Variants in STAG1 observed in about 807,000 individuals in gnomAD.
The protein encoded by STAG1 is cohesin subunit SA-1.
A neutral mutation model predicts 170.9 loss-of-function variants in STAG1; 26 were observed. The ratio of observed to expected loss-of-function variants is 0.15; its 90% CI spans 0.11 to 0.21. STAG1 has a LOEUF of 0.21. STAG1 is among the 10% of genes least tolerant of loss of function. STAG1 has a pLI of 1.00. For missense variants in STAG1, 964 were observed against 1,509.5 expected (o/e 0.64, Z 5.99); for synonymous variants, 514 against 497.7 (o/e 1.03, Z -0.44).
chr3:136,651,480 A>T (rs566194580), intron 1 of STAG1, among the ~76,000 whole-genome samples: 95 of 152,172 alleles, frequency 6.2e-4, no homozygotes, highest in African/African-American at 2.2e-3. Context: ...TTAAAATATT[A>T]AAAATCTTGT....
intron 2 of STAG1, among the ~76,000 whole-genome samples, chr3:136,625,573 C>T (rs1940057801): frequency 6.6e-6 from 1 of 152,186 alleles, no homozygotes; most frequent in Non-Finnish European, 1.5e-5. Context: ...AGTTATTATA[C>T]AAATTTATTG....
At chr3:136,613,313 CAA>C (rs60449608) in intron 3 of STAG1, among the ~76,000 whole-genome samples, 51 of 59,758 alleles carry the variant, frequency 8.5e-4, no homozygotes, top group East Asian at 3.5e-3. Context: ...GACTCCGTCT[CAA>C]AAAAAAAAAA....
intron 13 of STAG1, among the ~76,000 whole-genome samples, chr3:136,460,370 G>A (rs929940334): frequency 4.0e-4 from 61 of 152,160 alleles, no homozygotes; most frequent in Non-Finnish European, 6.2e-4. Flanking sequence ...TGGAGGCCAA[G>A]GTGGGTGAAT....
chr3:136,664,005 T>C (rs564848004), intron 1 of STAG1, among the ~76,000 whole-genome samples: 1 of 152,312 alleles, frequency 6.6e-6, no homozygotes, highest in South Asian at 2.1e-4. Context: ...AATTTTATCA[T>C]GTAAAATTTG....
chr3:136,748,667 G>T (rs914724516), intron 1 of STAG1, among the ~76,000 whole-genome samples: 1 of 152,142 alleles, frequency 6.6e-6, no homozygotes, highest in East Asian at 1.9e-4. Context: ...CTCCCAAAGT[G>T]CTGGGATTAC....
At chr3:136,659,887 A>AT (rs960970085) in intron 1 of STAG1, among the ~76,000 whole-genome samples, 2 of 151,502 alleles carry the variant, frequency 1.3e-5, no homozygotes, top group African/African-American at 4.8e-5. Context: ...GGTATACTGA[A>AT]TTTTTTTTTG....
chr3:136,344,657 G>A (rs959354239), intron 29 of STAG1, among the ~76,000 whole-genome samples: 3 of 151,688 alleles, frequency 2.0e-5, no homozygotes, highest in African/African-American at 7.3e-5. Flanking sequence ...TCTGTCGCCC[G>A]GGCTGGAGTG....
At chr3:136,430,806 G>GACACAGACACAC (rs2088277638) in intron 16 of STAG1, among the ~76,000 whole-genome samples, 1 of 131,104 alleles carries the variant, frequency 7.6e-6, no homozygotes, top group Non-Finnish European at 1.6e-5. Context: ...GACATAGACA[G>GACACAGACACAC]ACACACACAC....
chr3:136,447,438 C>A lies in STAG1; in HGVS notation c.1429-4034G>T, dbSNP rs111807046. ...GAGCTAAGATTCTGCCACTGCACTC[C>A]AGTCTGGCAACAGACCGAGATTTGG... On this transcript the variant is annotated intron_variant, in intron 14 of 33. Transcript: ENST00000383202. Among the ~76,000 whole-genome samples the A allele has an allele frequency of 3.3e-5, 5 of 151,750 alleles. 1 individual carries two copies. Among genetic ancestry groups the A allele is most frequent in the African/African-American group, 1.2e-4 (5 of 41,400 alleles).
intron 1 of STAG1, among the ~76,000 whole-genome samples, chr3:136,745,208 A>C (rs1054607785): frequency 2.6e-4 from 40 of 152,360 alleles, no homozygotes; most frequent in African/African-American, 8.7e-4. Context: ...TAAATGGTAC[A>C]TCATTTTGGC....
intron 9 of STAG1, among the ~76,000 whole-genome samples, chr3:136,495,556 G>A (rs189293564): frequency 6.2e-4 from 95 of 152,284 alleles, no homozygotes; most frequent in African/African-American, 2.2e-3. Context: ...TGGCATGGAT[G>A]GCACGGTGGC....
chr3:136,713,561 A>G (rs987271276), intron 1 of STAG1, among the ~76,000 whole-genome samples: 1 of 151,082 alleles, frequency 6.6e-6, no homozygotes, highest in African/African-American at 2.4e-5. Flanking sequence ...CTAGCCTGGG[A>G]AACAGAGCGA....
At chr3:136,414,650 T>C (rs1408846358) in intron 21 of STAG1, among the ~76,000 whole-genome samples, 1 of 152,192 alleles carries the variant, frequency 6.6e-6, no homozygotes, top group Non-Finnish European at 1.5e-5. Context: ...TAATGGTATC[T>C]AGAATGGTGA....
At chr3:136,366,873 C>G (rs1937092831) in intron 25 of STAG1, 70 bp downstream of exon 25, 1 of 1,338,288 alleles carries the variant, frequency 7.5e-7, no homozygotes, top group Non-Finnish European at 1.0e-6. Flanking sequence ...TAGCTTCTGT[C>G]ATCATCCTTT....
chr3:136,425,966 A>T (rs575440613), intron 16 of STAG1, among the ~76,000 whole-genome samples: 1 of 151,254 alleles, frequency 6.6e-6, no homozygotes, highest in East Asian at 1.9e-4. Context: ...ATTATCTCTC[A>T]GTTTTTTTTT....
chr3:136,591,688 G>C (rs1938190659), intron 4 of STAG1: 1 of 209,122 alleles, frequency 4.8e-6, no homozygotes. Flanking sequence ...TGATAACTAT[G>C]AAGTAGAATT....
At chr3:136,522,413 G>T (rs1015166859) in intron 6 of STAG1, among the ~76,000 whole-genome samples, 4 of 152,164 alleles carry the variant, frequency 2.6e-5, no homozygotes, top group African/African-American at 9.7e-5. Flanking sequence ...GACGGGGAGT[G>T]TGAGTGTAGA....
chr3:136,541,582 A>ACC (rs1553743138), intron 6 of STAG1, among the ~76,000 whole-genome samples: 26 of 150,176 alleles, frequency 1.7e-4, no homozygotes, highest in African/African-American at 6.4e-4. Flanking sequence ...ACACACACAC[A>ACC]CACCAGGGGT....
intron 9 of STAG1, among the ~76,000 whole-genome samples, chr3:136,487,608 T>C (rs935148799): frequency 6.6e-6 from 1 of 152,200 alleles, no homozygotes; most frequent in Non-Finnish European, 1.5e-5. Flanking sequence ...GTTCTAGTGC[T>C]CCAATCCACT....
Sources: allele counts gnomAD v4.1 joint callset (sites outside exome capture counted in the v4.1 genomes callset), GRCh38; gene constraint gnomAD v4.1.1; transcripts MANE v1.5; gene names NCBI Gene and HGNC (gene_info 2026-07-23, HGNC 2026-07-21).